Variants in HERC2 observed in about 807,000 individuals in gnomAD.
HERC2 encodes E3 ubiquitin-protein ligase HERC2.
A neutral mutation model predicts 537.7 loss-of-function variants in HERC2; 102 were observed. The ratio of observed to expected loss-of-function variants is 0.19; its 90% confidence interval spans 0.16 to 0.22. HERC2 has a LOEUF of 0.22. Among genes scored for constraint, HERC2 ranks in the 10% least tolerant of loss-of-function variants. The pLI is 1.00. For missense variants in HERC2, 4,236 were observed against 6,198.2 expected (o/e 0.68, Z 10.63); for synonymous variants, 2,224 against 2,466.2 (o/e 0.90, Z 2.91).
Position 28,272,898 on chromosome 15 carries a change from G to A in HERC2, c.907C>T (p.Leu303=), listed in dbSNP as rs1264672545. 1.2e-6 allele frequency: 2 copies of A among 1,608,320 alleles called. No homozygotes were observed. Among genetic ancestry groups the A allele is most frequent in the East Asian group, 2.2e-5 (1 of 44,866 alleles). Residue 303 remains leucine (L), a synonymous_variant, in exon 8 of 93, where the codon CTG becomes TTG. Coordinates refer to ENST00000261609, the MANE Select transcript of HERC2 (RefSeq NM_004667.6). ...LLELAVQRGT[L]SQMLSAILLL... is the part of the protein sequence containing the mutation. ...CCCGTCTGCGGCAGCCCTCACCTCA[G>A]CGTGCCTCTCTGCACAGCCAGCTCC...
chr15:28,208,732 C>T (rs1272682328), intron 44 of HERC2, among the ~76,000 whole-genome samples: 1 of 152,230 alleles, frequency 6.6e-6, no homozygotes, highest in African/African-American at 2.4e-5. Flanking sequence ...TGGTCCACCA[C>T]CAGCAAAGTG....
intron 72 of HERC2, 28 bp downstream of exon 72, chr15:28,144,645 C>T (rs374898463): frequency 6.8e-5 from 110 of 1,614,158 alleles, no homozygotes; most frequent in Non-Finnish European, 8.7e-5. Context: ...AGTCATCTAA[C>T]CTTGATCGCC....
Position 28,265,936 on chromosome 15 carries a change from C to T in HERC2, c.1637G>A (p.Gly546Glu), listed in dbSNP as rs1426267971. Residue 546 changes from glycine to glutamate, a missense_variant, in exon 13 of 93, where the codon GGA becomes GAA. Coordinates refer to ENST00000261609, the MANE Select transcript of HERC2 (RefSeq NM_004667.6). The surrounding 1 kb of genome is among the most constrained non-coding windows in gnomAD (Gnocchi z 4.0). ...CACCACGTGCTTCCCGGCCTGCTTT[C>T]CAGAGAAGGCGGAGATCACCTTAGG... ...EEPKVISAFSGKQAGKHVVHI... is the reference protein window; with the variant it reads ...EEPKVISAFSEKQAGKHVVHI... 6.2e-7 allele frequency: 1 copy of T among 1,614,174 alleles called. No homozygotes were observed. Among genetic ancestry groups the T allele is most frequent in the Non-Finnish European group, 8.5e-7 (1 of 1,180,040 alleles).
At position 28,124,164 on chromosome 15, in the gene HERC2, T is replaced by TGCA; in HGVS notation, c.13058_13060dup (p.Leu4353dup). On this transcript the variant is annotated inframe_insertion, in exon 85 of 93. Transcript: ENST00000261609. ...GGGGCAGAAGAGCTCGGAGAGGTGG[T>TGCA]GCAGCAGCAGCAGACGGTTCCTCAG... is the stretch of plus-strand genomic sequence containing the variant. 1 of 1,584,678 alleles carries TGCA rather than the reference T, an allele frequency of 6.3e-7. No individual in the cohort carries two copies. The highest frequency in any genetic ancestry group is 8.6e-7 in the Non-Finnish European group (1 of 1,165,198).
At chr15:28,237,719 CTA>C (rs1176735814) in intron 25 of HERC2, among the ~76,000 whole-genome samples, 5 of 152,170 alleles carry the variant, frequency 3.3e-5, no homozygotes, top group African/African-American at 1.2e-4. Context: ...TATATAAATT[CTA>C]TGTGTTCGTG....
chr15:28,272,128 A>G, intron 9 of HERC2, 87 bp downstream of exon 9: 1 of 1,210,034 alleles, frequency 8.3e-7, no homozygotes. Flanking sequence ...AGAGAAAAAC[A>G]CTGCCGTTGA....
rs1324722433 is a variant in HERC2 at position 28,221,830 on chromosome 15, A to G, written c.5652+198T>C. 6.6e-5 allele frequency among the ~76,000 whole-genome samples: 10 copies of G among 151,944 alleles called. No individual in the cohort carries two copies. In the East Asian group the frequency reaches 1.7e-3, roughly 26 times the overall value. On this transcript the variant is annotated intron_variant, in intron 36 of 92. Transcript: ENST00000261609. ...TGAAAAGAGCTGCCTCTCTTTCCAG[A>G]CTTGATTCTGCTCAGATGCCCTACT...
rs61050110 is a variant in HERC2, at chr15:28,197,572, T to G, written c.8011+806A>C. ...TTCGAGACCAGCCTGGCCAACATGG[T>G]GAAACCCCATCTCTACTAAAAATAC... On this transcript the variant is annotated intron_variant, in intron 50 of 92. Transcript: ENST00000261609. Among the ~76,000 whole-genome samples the G allele has an allele frequency of 6.0e-3, 905 of 152,090 alleles. 11 individuals are homozygous for G. The highest frequency in any genetic ancestry group is 0.02 in the African/African-American group (826 of 41,512).
chr15:28,311,503 T>TA (rs2076945455), intron 2 of HERC2, among the ~76,000 whole-genome samples: 2 of 151,612 alleles, frequency 1.3e-5, no homozygotes, highest in African/African-American at 4.8e-5. Context: ...TCACGTAAGT[T>TA]AAATCAAATG....
intron 69 of HERC2, among the ~76,000 whole-genome samples, chr15:28,153,380 G>A (rs983199879): frequency 8.6e-5 from 13 of 151,938 alleles, no homozygotes; most frequent in African/African-American, 1.9e-4. Flanking sequence ...TGGGTGGAGC[G>A]CAGTGGCTCA....
At chr15:28,162,591 T>C (rs754260692) in intron 69 of HERC2, among the ~76,000 whole-genome samples, 52 of 151,928 alleles carry the variant, frequency 3.4e-4, no homozygotes, top group Non-Finnish European at 6.5e-4. Context: ...CACAAATCAG[T>C]TATAAAACAG....
chr15:28,283,808 A>G (rs1476368709), intron 4 of HERC2, among the ~76,000 whole-genome samples: 1 of 152,252 alleles, frequency 6.6e-6, no homozygotes, highest in East Asian at 1.9e-4. Context: ...TAGTTTCTAT[A>G]TCCCTGAAGC....
In HERC2 at chr15:28,196,256, T is replaced by A; in HGVS notation, c.8219A>T (p.Lys2740Ile). ...GCCAAATGTATGCCTGGTATTGTGT[T>A]TTTTGGTCTTGAAACACGTTTCACA... ...DFCETCFKTK[K>I]HNTRHTFGRI... is the part of the protein sequence containing the mutation. Residue 2740 changes from lysine to isoleucine, a missense_variant, in exon 52 of 93, where the codon AAA (lysine) becomes ATA (isoleucine). Lys to Ile is a moderately radical substitution (Grantham distance 102). Coordinates refer to ENST00000261609, the MANE Select transcript of HERC2 (RefSeq NM_004667.6). 1 of 1,455,886 alleles carries A rather than the reference T, an allele frequency of 6.9e-7. No homozygotes were observed. The highest frequency in any genetic ancestry group is 1.3e-5 in the South Asian group (1 of 79,068). The allele number at this position is 1,455,886 out of a possible 1,614,324, so 90.2% of individuals were successfully genotyped here.
intron 2 of HERC2, among the ~76,000 whole-genome samples, chr15:28,304,241 T>G (rs2076717408): frequency 6.6e-6 from 1 of 151,740 alleles, no homozygotes; most frequent in African/African-American, 2.4e-5. Flanking sequence ...TCCTGCAATT[T>G]TACTGAATTT....
chr15:28,165,514 A>G (rs1467174572), intron 68 of HERC2, among the ~76,000 whole-genome samples: 1 of 152,112 alleles, frequency 6.6e-6, no homozygotes, highest in Non-Finnish European at 1.5e-5. Context: ...GATGTAGGCC[A>G]AACACGGTGG....
rs755462370 is a variant in HERC2, at chr15:28,229,249, C to G, written c.5218G>C (p.Val1740Leu). The change falls in exon 34 of 93, where the codon GTA becomes CTA. Residue 1740 changes from valine (V) to leucine (L), a missense_variant. Val to Leu is a conservative substitution (Grantham distance 32). Transcript: ENST00000261609. Reference protein sequence around the residue: ...VTFGKLYAWAVQNIRNVLMDA... With the variant: ...VTFGKLYAWALQNIRNVLMDA... The stretch of plus-strand genomic sequence containing the variant: ...ATCAAAACATTTCGAATGTTCTGTA[C>G]AGCCCAAGCGTACAGCTTGCCAAAG... 2 of 1,613,780 alleles carry G rather than the reference C, an allele frequency of 1.2e-6. No homozygotes were observed. Among genetic ancestry groups the G allele is most frequent in the Non-Finnish European group, 1.7e-6 (2 of 1,179,792 alleles).
In HERC2 at chr15:28,228,273, G is replaced by A. The variant is rs1901446430; in HGVS notation, c.5409C>T (p.Asp1803=). ...CCAGCATGCCGGAATTGAGCAGAAG[G>A]TCGAGGTTGTTTGCGCCGTGCTGCA... The part of the protein sequence containing the change: ...LTLQHGANNL[D]LLLNSGMLAL... The change falls in exon 35 of 93, where the codon GAC becomes GAT. Residue 1803 remains aspartate, a synonymous_variant. Coordinates refer to ENST00000261609, the MANE Select transcript of HERC2 (RefSeq NM_004667.6). 17 of 1,613,552 alleles carry A rather than the reference G, an allele frequency of 1.1e-5. No homozygotes were observed. Among genetic ancestry groups the A allele is most frequent in the African/African-American group, 2.7e-5 (2 of 75,052 alleles).
At chr15:28,226,899 T>G (rs1476912086) in intron 35 of HERC2, among the ~76,000 whole-genome samples, 1 of 152,240 alleles carries the variant, frequency 6.6e-6, no homozygotes, top group African/African-American at 2.4e-5. Flanking sequence ...TGAGGACTGG[T>G]GTTAATTCTT....
chr15:28,251,176 C>A (rs548479494), intron 20 of HERC2, among the ~76,000 whole-genome samples: 4 of 152,190 alleles, frequency 2.6e-5, no homozygotes, highest in African/African-American at 7.2e-5. Context: ...GGTGCAGTGG[C>A]TCACACCTGT....
Sources: gnomAD v4.1 joint callset for allele counts (sites outside exome capture counted in the v4.1 genomes callset) on GRCh38, gnomAD v4.1.1 for gene constraint, Gnocchi (gnomAD v3.1) non-coding constraint, MANE v1.5 for transcripts, NCBI Gene and HGNC (gene_info 2026-07-23, HGNC 2026-07-21) for gene names.